PDE1A: variants seen among roughly 807,000 people sequenced by gnomAD.
The protein encoded by PDE1A is phosphodiesterase 1A, also known as dual specificity calcium/calmodulin-dependent 3',5'-cyclic nucleotide phosphodiesterase 1A.
A neutral mutation model predicts 61.7 loss-of-function variants in PDE1A; 35 were observed. The ratio of observed to expected loss-of-function variants is 0.57; its 90% confidence interval spans 0.43 to 0.75. The LOEUF is 0.75. Among genes scored for constraint, PDE1A ranks in the 30% least tolerant of loss-of-function variants. PDE1A has a pLI of 0.00. For missense variants in PDE1A, 597 were observed against 630.6 expected, an observed-to-expected ratio of 0.95 and a Z score of 0.57; for synonymous variants, 232 against 213.2, an observed-to-expected ratio of 1.09 and a Z score of -0.77.
intron 1 of PDE1A, among the ~76,000 whole-genome samples, chr2:182,401,874 C>T (rs1282881969): frequency 1.3e-5 from 2 of 152,134 alleles, no homozygotes; most frequent in African/African-American, 4.8e-5. Flanking sequence ...TTCCTATACA[C>T]CAATAACAGA....
chr2:182,366,530 T>C (rs1003770640), intron 1 of PDE1A, among the ~76,000 whole-genome samples: 1 of 152,074 alleles, frequency 6.6e-6, no homozygotes, highest in African/African-American at 2.4e-5. Context: ...TAATAACCTA[T>C]TGTTTTTAAA....
chr2:182,192,575 T>A (rs1435322884), intron 10 of PDE1A, among the ~76,000 whole-genome samples: 1 of 152,094 alleles, frequency 6.6e-6, no homozygotes, highest in Admixed American at 6.6e-5. Flanking sequence ...TCCATCAAGG[T>A]AAAAGCAGAG....
At chr2:182,648,702 TAA>T in the PDE1A span, among the ~76,000 whole-genome samples, 27 of 122,868 alleles carry the variant, frequency 2.2e-4, no homozygotes, top group African/African-American at 1.8e-4. Flanking sequence ...CCTGTCTCTT[TAA>T]AAAAAAAAAA....
intron 1 of PDE1A, among the ~76,000 whole-genome samples, chr2:182,271,492 T>C (rs1693022671): frequency 6.6e-6 from 1 of 152,096 alleles, no homozygotes; most frequent in South Asian, 2.1e-4. Context: ...CTTCAAGAGG[T>C]ATTAACTTTT....
Position 182,507,342 on chromosome 2 carries a change from T to C in PDE1A, c.101+14934A>G, listed in dbSNP as rs148908298. Among the ~76,000 whole-genome samples the C allele has an allele frequency of 2.6e-4, 40 of 152,336 alleles. 1 individual carries two copies. Among genetic ancestry groups the C allele is most frequent in the Admixed American group, 2.3e-3 (35 of 15,298 alleles). On this transcript the variant is annotated intron_variant, in intron 2 of 14. Coordinates refer to the PDE1A transcript ENST00000410103. ...GACAACAATAATAAACATTTATTGT[T>C]TTCTCACAATTTTGAGAAAGTTGGG... is the stretch of plus-strand genomic sequence containing the variant.
At chr2:182,445,006 GA>G (rs1685043910) in intron 2 of PDE1A, among the ~76,000 whole-genome samples, 1 of 152,158 alleles carries the variant, frequency 6.6e-6, no homozygotes, top group South Asian at 2.1e-4. Flanking sequence ...ATTGGCTGTA[GA>G]AAATGGAATT....
the PDE1A span, among the ~76,000 whole-genome samples, chr2:182,604,289 A>C: frequency 1.3e-5 from 2 of 152,196 alleles, no homozygotes; most frequent in Admixed American, 6.5e-5. Context: ...ATTATTTGAG[A>C]GTTATCAGCA....
the PDE1A span, among the ~76,000 whole-genome samples, chr2:182,695,017 A>T: frequency 6.6e-6 from 1 of 152,090 alleles, no homozygotes; most frequent in Non-Finnish European, 1.5e-5. Context: ...AATTTTTTTA[A>T]TTCAGAAAAG....
At chr2:182,253,739 G>A (rs1049154634) in intron 2 of PDE1A, among the ~76,000 whole-genome samples, 2 of 152,056 alleles carry the variant, frequency 1.3e-5, no homozygotes, top group South Asian at 2.1e-4. Context: ...GGGAAAAAAT[G>A]GGCTCTGTTG....
intron 2 of PDE1A, among the ~76,000 whole-genome samples, chr2:182,260,854 A>T (rs2125774881): frequency 6.6e-6 from 1 of 152,258 alleles, no homozygotes; most frequent in Admixed American, 6.5e-5. Flanking sequence ...AGGGATGAGG[A>T]TGAGAATTGC....
chr2:182,240,077 T>C lies in PDE1A; in HGVS notation c.350+33A>G, dbSNP rs371160617. The stretch of plus-strand genomic sequence containing the variant: ...GAATGTATCTGCTGCCTTTCAAATG[T>C]TACTGTCTTGAGATACCAACAATTT... On this transcript the variant is annotated intron_variant, in intron 3 of 13. Coordinates refer to ENST00000351439, the Ensembl canonical transcript of PDE1A. 4 of 1,589,918 alleles carry C rather than the reference T, an allele frequency of 2.5e-6. No individual in the cohort carries two copies. The African/African-American group carries it at 4.0e-5, about 16-fold the overall frequency.
chr2:182,711,498 C>A, the PDE1A span, among the ~76,000 whole-genome samples: 1 of 151,692 alleles, frequency 6.6e-6, no homozygotes, highest in Admixed American at 6.6e-5. Flanking sequence ...TATGTATATA[C>A]ATATACATAT....
intron 1 of PDE1A, among the ~76,000 whole-genome samples, chr2:182,360,538 T>C (rs1699441335): frequency 6.6e-6 from 1 of 151,574 alleles, no homozygotes; most frequent in Non-Finnish European, 1.5e-5. Flanking sequence ...TGTTTTTTTT[T>C]TTTTTTTTCG....
At chr2:182,623,556 A>C in the PDE1A span, among the ~76,000 whole-genome samples, 1 of 152,190 alleles carries the variant, frequency 6.6e-6, no homozygotes. Flanking sequence ...TAGTGAAGGG[A>C]CACTAGTGAG....
At chr2:182,591,303 T>A in the PDE1A span, among the ~76,000 whole-genome samples, 17 of 152,200 alleles carry the variant, frequency 1.1e-4, no homozygotes, top group Non-Finnish European at 4.4e-5. Flanking sequence ...CACTCAAACA[T>A]ATATTAGCAA....
At chr2:182,341,089 A>T (rs1698152281) in intron 1 of PDE1A, among the ~76,000 whole-genome samples, 1 of 152,190 alleles carries the variant, frequency 6.6e-6, no homozygotes, top group South Asian at 2.1e-4. Flanking sequence ...AATAAAACCT[A>T]AGTTTTCAAT....
chr2:182,646,495 C>T, the PDE1A span, among the ~76,000 whole-genome samples: 1 of 151,692 alleles, frequency 6.6e-6, no homozygotes, highest in Non-Finnish European at 1.5e-5. Context: ...CGAGACCAGC[C>T]TGGCCAACAC....
At chr2:182,237,640 G>T (rs1351482674) in intron 3 of PDE1A, among the ~76,000 whole-genome samples, 2 of 152,162 alleles carry the variant, frequency 1.3e-5, no homozygotes, top group Non-Finnish European at 2.9e-5. Context: ...TACAATATAT[G>T]ATTACAAACA....
At chr2:182,365,848 T>A (rs533256663) in intron 1 of PDE1A, among the ~76,000 whole-genome samples, 3 of 152,122 alleles carry the variant, frequency 2.0e-5, no homozygotes, top group East Asian at 1.9e-4. Flanking sequence ...AAACTACAGA[T>A]GATAAAAGTG....
Sources: gnomAD v4.1 joint callset for allele counts (sites outside exome capture counted in the v4.1 genomes callset) on GRCh38, gnomAD v4.1.1 for gene constraint, MANE v1.5 for transcripts, NCBI Gene and HGNC (gene_info 2026-07-23, HGNC 2026-07-21) for gene names.